The following LRRK1 variants were observed in gnomAD, a reference collection of about 807,000 sequenced individuals.
LRRK1 encodes the protein leucine rich repeat kinase 1.
In LRRK1, 113 loss-of-function variants were observed where a neutral mutation model predicts 209.1. That is an observed-to-expected ratio of 0.54 (90% CI 0.46 to 0.63). The LOEUF (loss-of-function observed/expected upper bound fraction) is 0.63, where lower values mean the gene tolerates loss of function less well. Ranked by LOEUF, LRRK1 falls within the 30% of genes least tolerant of loss-of-function variation. LRRK1 has a pLI of 0.00. For synonymous variants in LRRK1, 1,144 were observed against 1,099.7 expected (o/e 1.04, Z -0.80); for missense variants, 2,284 against 2,632.2 (o/e 0.87, Z 2.89).
rs542026670 is a variant in LRRK1 at position 101,028,897 on chromosome 15, C to A, written c.2687-59C>A. 4.0e-5 allele frequency: 63 copies of A among 1,567,404 alleles called. 1 individual carries two copies. The South Asian group carries it at 7.4e-4, about 18-fold the overall frequency. Reference sequence around the variant, plus strand: ...GGTCCTCTTGGAAAGAGGGCCACCCCAGAGTCCCTTTCGCTCCTTTGTCTA... The same window carrying A: ...GGTCCTCTTGGAAAGAGGGCCACCCAAGAGTCCCTTTCGCTCCTTTGTCTA... On this transcript the variant is annotated intron_variant, in intron 19 of 33. Transcript: ENST00000388948.
intron 2 of LRRK1, among the ~76,000 whole-genome samples, chr15:100,936,237 G>T (rs974029183): frequency 6.6e-6 from 1 of 152,208 alleles, no homozygotes. Flanking sequence ...AACCTTACAG[G>T]TACAGCCAGA....
At chr15:101,066,580 A>G in intron 32 of LRRK1, 60 bp from the exon 33 acceptor site, 1 of 1,507,612 alleles carries the variant, frequency 6.6e-7, no homozygotes, top group South Asian at 1.1e-5. Context: ...CACCGGCTTC[A>G]CTCCCCGGAG....
intron 2 of LRRK1, among the ~76,000 whole-genome samples, chr15:100,934,178 A>G (rs937591243): frequency 2.9e-4 from 44 of 152,240 alleles, no homozygotes; most frequent in African/African-American, 1.1e-3. Context: ...GGAAATTTGC[A>G]GTCAGCTGAC....
intron 6 of LRRK1, among the ~76,000 whole-genome samples, chr15:100,998,146 C>CTTCA (rs567148459): frequency 6.0e-4 from 90 of 149,634 alleles, no homozygotes; most frequent in Middle Eastern, 3.5e-3. Context: ...TGCCATTGCA[C>CTTCA]TTCAGCCTGG....
At chr15:100,987,963 G>A (rs1320724362) in intron 4 of LRRK1, among the ~76,000 whole-genome samples, 1 of 152,074 alleles carries the variant, frequency 6.6e-6, no homozygotes, top group African/African-American at 2.4e-5. Context: ...ATTTGGCTAA[G>A]ATCATGCTGG....
chr15:101,026,791 G>A (rs1676359389), intron 17 of LRRK1, among the ~76,000 whole-genome samples: 1 of 152,174 alleles, frequency 6.6e-6, no homozygotes, highest in Non-Finnish European at 1.5e-5. Context: ...AGATTCCCTC[G>A]CCCGGGGCAG....
At position 101,021,152 on chromosome 15, in the gene LRRK1, T is replaced by C; in HGVS notation, c.1709T>C (p.Leu570Pro). The C allele has an allele frequency of 6.2e-7, 1 of 1,614,092 alleles. No individual in the cohort carries two copies. Among genetic ancestry groups the C allele is most frequent in the Non-Finnish European group, 8.5e-7 (1 of 1,179,966 alleles). Residue 570 changes from leucine (L) to proline (P), a missense_variant, in exon 13 of 34, where the codon CTG becomes CCG. Coordinates refer to ENST00000388948, the MANE Select transcript of LRRK1 (RefSeq NM_024652.6). ...ACAGTCCCTCCCTCGGTTTGCCTAC[T>C]GAAGAGCTTATCAGAGCTCTACTTG... is the stretch of plus-strand genomic sequence containing the variant. ...LDTVPPSVCL[L>P]KSLSELYLGN... is the part of the protein sequence containing the mutation.
intron 20 of LRRK1, among the ~76,000 whole-genome samples, chr15:101,040,327 TAATATA>T (rs2034688808): frequency 6.6e-6 from 1 of 152,104 alleles, no homozygotes; most frequent in Non-Finnish European, 1.5e-5. Context: ...CAGAATATAT[TAATATA>T]AAGATATTTA....
At chr15:100,977,611 C>T (rs768019997) in intron 3 of LRRK1, among the ~76,000 whole-genome samples, 1 of 152,128 alleles carries the variant, frequency 6.6e-6, no homozygotes, top group African/African-American at 2.4e-5. Context: ...CCTGAAGTCC[C>T]AACGCTGCCC....
chr15:100,941,202 CTG>C (rs1290856587), intron 2 of LRRK1, among the ~76,000 whole-genome samples: 14 of 142,034 alleles, frequency 9.9e-5, no homozygotes, highest in African/African-American at 3.4e-4. Context: ...ATGTGTGTTT[CTG>C]TGTGTGTCTG....
chr15:101,015,737 G>A (rs2033507104), intron 12 of LRRK1, among the ~76,000 whole-genome samples: 1 of 152,150 alleles, frequency 6.6e-6, no homozygotes, highest in Admixed American at 6.5e-5. Context: ...GTGAGGTATG[G>A]GCCACATTTC....
In LRRK1 at chr15:101,065,611, G is replaced by A; in HGVS notation, c.5174G>A (p.Arg1725Lys). ...VIDCASLEIC[R>K]RLEPYMAPSM... Reference sequence around the variant, plus strand: ...GACTGTGCCTCCCTGGAGATCTGCAGGCGGCTGGAGCCCTACATGGCCCCC... The same window carrying A: ...GACTGTGCCTCCCTGGAGATCTGCAAGCGGCTGGAGCCCTACATGGCCCCC... Residue 1725 changes from arginine to lysine, a missense_variant, in exon 32 of 34, where the codon AGG becomes AAG. Arg to Lys is a conservative substitution (Grantham distance 26). Around this residue, in one of 6 missense-constraint regions of LRRK1, gnomAD observed 643 missense variants for 695.9 expected, o/e 0.92. Coordinates refer to ENST00000388948, the MANE Select transcript of LRRK1 (RefSeq NM_024652.6). The A allele has an allele frequency of 6.2e-7, 1 of 1,614,238 alleles. No homozygotes were observed. Among genetic ancestry groups the A allele is most frequent in the Non-Finnish European group, 8.5e-7 (1 of 1,180,042 alleles).
chr15:101,053,967 T>A (rs2035639552), intron 26 of LRRK1, among the ~76,000 whole-genome samples: 1 of 152,174 alleles, frequency 6.6e-6, no homozygotes. Context: ...TGGAAGATAA[T>A]TTTTTAAACA....
At chr15:101,020,357 T>G (rs773511673) in intron 12 of LRRK1, among the ~76,000 whole-genome samples, 1 of 150,224 alleles carries the variant, frequency 6.7e-6, no homozygotes, top group Non-Finnish European at 1.5e-5. Flanking sequence ...CTTCTAGATA[T>G]CCGGTTCTGA....
chr15:101,049,389 C>T (rs2035270745), intron 22 of LRRK1: 3 of 415,398 alleles, frequency 7.2e-6, no homozygotes, highest in Non-Finnish European at 4.3e-6. Context: ...AGGGCCTCAC[C>T]TGAGGGTCAG....
rs1178791456 is a variant in LRRK1 at position 101,035,995 on chromosome 15, A to AGACC, written c.2963+6763_2963+6764insGACC. 8.5e-5 allele frequency among the ~76,000 whole-genome samples: 13 copies of AGACC among 152,278 alleles called. No homozygotes were observed. The East Asian group carries it at 2.3e-3, about 27-fold the overall frequency. On this transcript the variant is annotated intron_variant, in intron 20 of 33. Transcript: ENST00000388948. ...CTAATGGGGTCTCTTAGGTGACTAG[A>AGACC]TTCTTTTCTATTGCTGTATTTAGAA... is the stretch of plus-strand genomic sequence containing the variant.
intron 2 of LRRK1, among the ~76,000 whole-genome samples, chr15:100,964,383 C>G (rs2030313224): frequency 6.6e-6 from 1 of 152,206 alleles, no homozygotes; most frequent in African/African-American, 2.4e-5. Context: ...AAAAAAGAAG[C>G]ATCCTTCCAG....
intron 6 of LRRK1, among the ~76,000 whole-genome samples, chr15:100,994,930 C>T (rs2032331803): frequency 6.6e-6 from 1 of 152,146 alleles, no homozygotes; most frequent in Admixed American, 6.5e-5. Flanking sequence ...CCCAGGTATC[C>T]AGTGGGATTA....
At chr15:100,926,479 G>T (rs1424976291) in intron 2 of LRRK1, among the ~76,000 whole-genome samples, 2 of 150,400 alleles carry the variant, frequency 1.3e-5, no homozygotes, top group Non-Finnish European at 3.0e-5. Context: ...TCCCCTCCTG[G>T]TCAACAGTTG....
Sources: gnomAD v4.1 joint callset for allele counts (sites outside exome capture counted in the v4.1 genomes callset) on GRCh38, gnomAD v4.1.1 for gene constraint, gnomAD v4.1.1 regional missense constraint, MANE v1.5 for transcripts, NCBI Gene and HGNC (gene_info 2026-07-23, HGNC 2026-07-21) for gene names.